Variants in SIPA1L3 observed in about 807,000 individuals in gnomAD.
The protein encoded by SIPA1L3 is signal induced proliferation associated 1 like 3, also known as signal-induced proliferation-associated 1-like protein 3.
SIPA1L3 carries 59 observed loss-of-function variants against 150.1 expected under a neutral mutation model. That is an observed-to-expected ratio of 0.39 (90% CI 0.32 to 0.49). The LOEUF is 0.49. Among genes scored for constraint, SIPA1L3 ranks in the 20% least tolerant of loss-of-function variants. The pLI, the probability that SIPA1L3 is intolerant of heterozygous loss-of-function variation, is 0.86. For missense variants in SIPA1L3, 2,211 were observed against 2,489.5 expected, an observed-to-expected ratio of 0.89 and a Z score of 2.38; for synonymous variants, 1,070 against 1,077.6, an observed-to-expected ratio of 0.99 and a Z score of 0.14.
intron 16 of SIPA1L3, among the ~76,000 whole-genome samples, chr19:38,183,367 G>A (rs1972604060): frequency 6.6e-6 from 1 of 152,058 alleles, no homozygotes; most frequent in Non-Finnish European, 1.5e-5. Context: ...GGGTGGGGGC[G>A]GAGAGGGTGA....
chr19:38,188,615 G>A (rs530886068), intron 16 of SIPA1L3, among the ~76,000 whole-genome samples: 2 of 152,120 alleles, frequency 1.3e-5, no homozygotes, highest in Non-Finnish European at 2.9e-5. Flanking sequence ...ACTACAAAAG[G>A]GTTTGCAATA....
chr19:38,000,877 TTATATATATATATATGTTATA>T (rs1568495799), intron 1 of SIPA1L3, among the ~76,000 whole-genome samples: 1 of 143,618 alleles, frequency 7.0e-6, no homozygotes, highest in Non-Finnish European at 1.5e-5. Context: ...TCCAAGTTTT[TTATATATATATATATGTTATA>T]TATATATATA....
chr19:38,173,173 G>A (rs1972364444), intron 15 of SIPA1L3, among the ~76,000 whole-genome samples: 1 of 152,250 alleles, frequency 6.6e-6, no homozygotes, highest in Non-Finnish European at 1.5e-5. Flanking sequence ...GGAGAGGACG[G>A]ACTATCTTGG....
rs572242599 is a variant in SIPA1L3 at position 38,135,166 on chromosome 19, G to A, written c.3143+4394G>A. 2.5e-4 allele frequency among the ~76,000 whole-genome samples: 38 copies of A among 152,266 alleles called. 1 individual carries two copies. The highest frequency in any genetic ancestry group is 8.9e-4 in the African/African-American group (37 of 41,564). ...AAGCCATCACGAGCTATTAATACACGGGCATGCGAGTGATGTCCCCACCCT... is the reference window on the plus strand; with the variant it reads ...AAGCCATCACGAGCTATTAATACACAGGCATGCGAGTGATGTCCCCACCCT... On this transcript the variant is annotated intron_variant, in intron 10 of 21. Coordinates refer to ENST00000222345, the MANE Select transcript of SIPA1L3 (RefSeq NM_015073.3).
rs537947917 is a variant in SIPA1L3, at chr19:38,173,408, C to T, written c.4208+8502C>T. Among the ~76,000 whole-genome samples the T allele has an allele frequency of 8.5e-5, 13 of 152,396 alleles. No individual in the cohort carries two copies. The South Asian group carries it at 1.4e-3, about 17-fold the overall frequency. On this transcript the variant is annotated intron_variant, in intron 15 of 21. Transcript: ENST00000222345. Reference sequence around the variant, plus strand: ...CCAGGCATGCTGCCAGGCGCCAGTGCCTGCCATGGGCACCGCAGTGGGCTG... The same window carrying T: ...CCAGGCATGCTGCCAGGCGCCAGTGTCTGCCATGGGCACCGCAGTGGGCTG...
chr19:38,042,443 A>G (rs752576975), intron 2 of SIPA1L3, among the ~76,000 whole-genome samples: 39 of 152,120 alleles, frequency 2.6e-4, no homozygotes, highest in Non-Finnish European at 4.9e-4. Flanking sequence ...TTTTGTGGCT[A>G]TATATAAATT....
chr19:38,026,751 C>T (rs1185345907), intron 1 of SIPA1L3, among the ~76,000 whole-genome samples: 3 of 152,108 alleles, frequency 2.0e-5, no homozygotes, highest in Non-Finnish European at 4.4e-5. Context: ...TAGTGGGTCA[C>T]GAGGTTGGCT....
rs546141389 is a variant in SIPA1L3 at position 38,083,324 on chromosome 19, A to T, written c.1534+225A>T. ...CACTCCATAAACCTTGAGCTACAGG[A>T]CACAGCTCTGCATTTACTCAGCACA... On this transcript the variant is annotated intron_variant, in intron 3 of 21. Coordinates refer to ENST00000222345, the MANE Select transcript of SIPA1L3 (RefSeq NM_015073.3). 1.5e-4 allele frequency among the ~76,000 whole-genome samples: 23 copies of T among 152,334 alleles called. 1 individual carries two copies. The South Asian group carries it at 4.8e-3, about 32-fold the overall frequency.
In SIPA1L3 at chr19:38,207,429, T is replaced by G. The variant is rs1406470101; in HGVS notation, c.*1189T>G. On this transcript the variant is annotated 3_prime_UTR_variant, in exon 22 of 22. Transcript: ENST00000222345. ...CTTTAAAAGCAAACAGAAAAAGATATATATATATATATATATATATTTATT... is the reference window on the plus strand; with the variant it reads ...CTTTAAAAGCAAACAGAAAAAGATAGATATATATATATATATATATTTATT... 2 of 147,340 alleles carry G rather than the reference T, an allele frequency of 1.4e-5. No individual in the cohort carries two copies. Among genetic ancestry groups the G allele is most frequent in the Non-Finnish European group, 3.0e-5 (2 of 66,858 alleles). 9.1% of individuals were successfully genotyped at this position (147,340 alleles called of 1,614,324 possible).
chr19:37,953,593 G>A (rs186152191), intron 1 of SIPA1L3, among the ~76,000 whole-genome samples: 59 of 152,292 alleles, frequency 3.9e-4, no homozygotes, highest in African/African-American at 1.3e-3. Context: ...AAGGAGGGGC[G>A]AAAGCCCTTT....
At chr19:38,103,838 C>T (rs1473824328) in intron 6 of SIPA1L3, among the ~76,000 whole-genome samples, 4 of 138,312 alleles carry the variant, frequency 2.9e-5, no homozygotes, top group Non-Finnish European at 3.0e-5. Flanking sequence ...CAAGGTGGAG[C>T]TTGCAATGAG....
chr19:38,050,778 G>T (rs983885313), intron 2 of SIPA1L3, among the ~76,000 whole-genome samples: 6 of 152,132 alleles, frequency 3.9e-5, no homozygotes, highest in Non-Finnish European at 5.9e-5. Context: ...TGATGTGTGC[G>T]CTGGGCATGG....
chr19:37,918,287 G>A (rs556972751), intron 1 of SIPA1L3, among the ~76,000 whole-genome samples: 1 of 151,618 alleles, frequency 6.6e-6, no homozygotes, highest in Non-Finnish European at 1.5e-5. Flanking sequence ...TTGAGACAGG[G>A]TCTTGCTCTG....
At chr19:37,958,022 A>G (rs921711852) in intron 1 of SIPA1L3, among the ~76,000 whole-genome samples, 1 of 152,138 alleles carries the variant, frequency 6.6e-6, no homozygotes, top group Non-Finnish European at 1.5e-5. Context: ...CCTAAAAAGT[A>G]TCTTATTTAG....
intron 2 of SIPA1L3, among the ~76,000 whole-genome samples, chr19:38,058,697 A>G (rs948270649): frequency 1.3e-5 from 2 of 152,124 alleles, no homozygotes; most frequent in Non-Finnish European, 1.5e-5. Flanking sequence ...GTGATCAAAC[A>G]GCTGAGTTTT....
chr19:38,110,077 G>GT, intron 7 of SIPA1L3, 150 bp from the exon 8 acceptor site: 1 of 724,962 alleles, frequency 1.4e-6, no homozygotes, highest in Non-Finnish European at 2.3e-6. Context: ...CCACAGGAAG[G>GT]TTTGTCACCT....
chr19:37,923,480 A>C (rs1164731261), intron 1 of SIPA1L3, among the ~76,000 whole-genome samples: 1 of 152,208 alleles, frequency 6.6e-6, no homozygotes, highest in African/African-American at 2.4e-5. Context: ...TACAGTAAAA[A>C]TATGATATAA....
In SIPA1L3 at chr19:38,130,821, C is replaced by T. The variant is rs758840781; in HGVS notation, c.3143+49C>T. On this transcript the variant is annotated intron_variant, in intron 10 of 21. Coordinates refer to ENST00000222345, the MANE Select transcript of SIPA1L3 (RefSeq NM_015073.3). ...AGGTGGTGGGTGGCAGCTCCCAGAT[C>T]GCTGGCATGAGGCCTCCCTGGCACT... 27 of 1,556,266 alleles carry T rather than the reference C, an allele frequency of 1.7e-5. 1 individual carries two copies. In the Middle Eastern group the frequency reaches 5.2e-4, roughly 30 times the overall value.
At position 38,014,544 on chromosome 19, in the gene SIPA1L3, C is replaced by CTTT. The variant is rs72101453; in HGVS notation, c.-378-14523_-378-14521dup. On this transcript the variant is annotated intron_variant, in intron 1 of 21. Coordinates refer to ENST00000222345, the MANE Select transcript of SIPA1L3 (RefSeq NM_015073.3). ...GATGGAATGCTTCTCACACCACATT[C>CTTT]TTTTTTTTTTTTTTTTTTTTTTTTA... Among the ~76,000 whole-genome samples, 12 of 116,814 alleles carry CTTT rather than the reference C, an allele frequency of 1.0e-4. No individual in the cohort carries two copies. The East Asian group carries it at 1.3e-3, about 12-fold the overall frequency. The allele number at this position is 116,814 out of a possible 152,430, so 76.6% of individuals were successfully genotyped here. A position where few individuals can be genotyped will look rare whatever the true frequency, so the allele number is the denominator to read the frequency against.
Sources: gnomAD v4.1 joint callset for allele counts (sites outside exome capture counted in the v4.1 genomes callset) on GRCh38, gnomAD v4.1.1 for gene constraint, MANE v1.5 for transcripts, NCBI Gene and HGNC (gene_info 2026-07-23, HGNC 2026-07-21) for gene names.